The following IKZF2 variants were observed in gnomAD, a reference collection of about 807,000 sequenced individuals.
IKZF2 encodes zinc finger protein Helios.
Under a neutral mutation model 49.2 loss-of-function variants are expected in IKZF2, and 15 were observed. That is an observed-to-expected ratio of 0.30 (90% CI 0.20 to 0.47). The LOEUF is 0.47. Among genes scored for constraint, IKZF2 ranks in the 20% least tolerant of loss-of-function variants. The pLI is 1.00. For synonymous variants in IKZF2, 227 were observed against 221.4 expected (o/e 1.03, Z -0.23); for missense variants, 567 against 664.6 (o/e 0.85, Z 1.61).
intron 4 of IKZF2, among the ~76,000 whole-genome samples, chr2:213,121,143 TAAA>T (rs2060043724): frequency 6.6e-6 from 1 of 152,252 alleles, no homozygotes; most frequent in African/African-American, 2.4e-5. Flanking sequence ...CATAAAGTAC[TAAA>T]TAGATACTTG....
chr2:213,064,541 A>G (rs1701998229), intron 4 of IKZF2, among the ~76,000 whole-genome samples: 2 of 152,046 alleles, frequency 1.3e-5, no homozygotes, highest in African/African-American at 4.8e-5. Context: ...CTAACACAGT[A>G]GCACCATTGT....
chr2:213,006,980 ACT>A lies in IKZF2; in HGVS notation c.*378_*379del, dbSNP rs753843690. On this transcript the variant is annotated 3_prime_UTR_variant, in exon 9 of 9. Coordinates refer to ENST00000434687, the MANE Select transcript of IKZF2 (RefSeq NM_001387220.1). ...AAACCACCAAAGTCCTACCCAGAAA[ACT>A]CTGAACTTTCCTGTCTTCCATCATA... 4.2e-5 allele frequency: 7 copies of A among 166,994 alleles called. No homozygotes were observed. The highest frequency in any genetic ancestry group is 9.0e-5 in the Non-Finnish European group (7 of 77,658). The allele number at this position is 166,994 out of a possible 1,614,324, so 10.3% of individuals were successfully genotyped here.
At chr2:213,033,750 A>T (rs1586067) in intron 6 of IKZF2, among the ~76,000 whole-genome samples, 126,565 of 152,174 alleles carry the variant, frequency 0.83, 53,616 homozygotes, top group Non-Finnish European at 0.92. Context: ...CAGAGTAGAT[A>T]TAGCATAATT....
At chr2:213,119,978 G>A (rs1200606417) in intron 4 of IKZF2, among the ~76,000 whole-genome samples, 1 of 152,200 alleles carries the variant, frequency 6.6e-6, no homozygotes, top group Non-Finnish European at 1.5e-5. Context: ...TGTTATGTGA[G>A]CCCAGGTCTC....
chr2:213,083,967 C>A (rs567989711), intron 4 of IKZF2, among the ~76,000 whole-genome samples: 4 of 151,976 alleles, frequency 2.6e-5, no homozygotes, highest in East Asian at 1.9e-4. Flanking sequence ...CGAAACCATC[C>A]CCCACTAACC....
At chr2:213,127,826 C>T (rs899263528) in intron 4 of IKZF2, among the ~76,000 whole-genome samples, 1 of 152,096 alleles carries the variant, frequency 6.6e-6, no homozygotes, top group Admixed American at 6.6e-5. Flanking sequence ...ACCCAATTAA[C>T]TAACTTAAGA....
At chr2:213,139,949 G>A (rs369673269) in intron 4 of IKZF2, among the ~76,000 whole-genome samples, 1 of 151,964 alleles carries the variant, frequency 6.6e-6, no homozygotes, top group African/African-American at 2.4e-5. Context: ...GCAGTATTAC[G>A]ATCTCACACA....
chr2:213,139,774 C>G (rs945571943), intron 4 of IKZF2, among the ~76,000 whole-genome samples: 5 of 151,934 alleles, frequency 3.3e-5, no homozygotes, highest in African/African-American at 1.2e-4. Context: ...CTCTGAGAAC[C>G]TATCTAAGTG....
At chr2:213,071,678 C>T (rs974304628) in intron 4 of IKZF2, among the ~76,000 whole-genome samples, 1 of 152,070 alleles carries the variant, frequency 6.6e-6, no homozygotes, top group South Asian at 2.1e-4. Flanking sequence ...AGAAGAAAGG[C>T]TCACAGCAAT....
intron 4 of IKZF2, among the ~76,000 whole-genome samples, chr2:213,077,466 TAGTA>T (rs1268515160): frequency 2.6e-5 from 4 of 151,860 alleles, no homozygotes; most frequent in Admixed American, 6.6e-5. Context: ...TGAATGAAAA[TAGTA>T]AGTAAGTATG....
intron 4 of IKZF2, among the ~76,000 whole-genome samples, chr2:213,083,840 C>G (rs561688020): frequency 6.6e-6 from 1 of 151,456 alleles, no homozygotes; most frequent in African/African-American, 2.4e-5. Flanking sequence ...TGCAGGAAAA[C>G]AAGCTTAGGA....
intron 4 of IKZF2, among the ~76,000 whole-genome samples, chr2:213,062,993 AT>A (rs1335886486): frequency 6.6e-6 from 1 of 152,078 alleles, no homozygotes; most frequent in Non-Finnish European, 1.5e-5. Flanking sequence ...ACAAAGGTAT[AT>A]GCAATCATTT....
At chr2:213,150,631 CAA>C (rs2061252040) in intron 1 of IKZF2, among the ~76,000 whole-genome samples, 2 of 134,840 alleles carry the variant, frequency 1.5e-5, no homozygotes, top group East Asian at 4.4e-4. Flanking sequence ...ATGCGATTAA[CAA>C]GAGAAAAAAC....
chr2:213,071,199 A>G (rs1483178277), intron 4 of IKZF2, among the ~76,000 whole-genome samples: 1 of 152,158 alleles, frequency 6.6e-6, no homozygotes, highest in African/African-American at 2.4e-5. Flanking sequence ...GGGAATTCAA[A>G]GTCTTTTTCC....
chr2:213,116,506 G>A (rs180937087), intron 4 of IKZF2, among the ~76,000 whole-genome samples: 17 of 152,292 alleles, frequency 1.1e-4, no homozygotes, highest in Admixed American at 6.5e-4. Context: ...AGGCCAAGGC[G>A]GGTGGATTGC....
chr2:213,113,509 T>C (rs2059779165), intron 4 of IKZF2, among the ~76,000 whole-genome samples: 1 of 152,196 alleles, frequency 6.6e-6, no homozygotes, highest in African/African-American at 2.4e-5. Context: ...GATTTATCCA[T>C]TGTACAAAAC....
At chr2:213,041,147 T>C (rs1417608693) in intron 6 of IKZF2, among the ~76,000 whole-genome samples, 1 of 151,934 alleles carries the variant, frequency 6.6e-6, no homozygotes, top group Non-Finnish European at 1.5e-5. Context: ...TTAAATACTA[T>C]GTTAAAAGTT....
chr2:213,123,729 C>T (rs1206780704), intron 4 of IKZF2, among the ~76,000 whole-genome samples: 1 of 152,062 alleles, frequency 6.6e-6, no homozygotes, highest in Non-Finnish European at 1.5e-5. Context: ...ACATGCTTTA[C>T]TTGCAGCTGT....
At chr2:213,078,423 T>G (rs544993222) in intron 4 of IKZF2, among the ~76,000 whole-genome samples, 1 of 152,362 alleles carries the variant, frequency 6.6e-6, no homozygotes, top group South Asian at 2.1e-4. Flanking sequence ...ATAATGTAAC[T>G]CATACTTAAA....
Sources: allele counts gnomAD v4.1 joint callset (sites outside exome capture counted in the v4.1 genomes callset), GRCh38; gene constraint gnomAD v4.1.1; transcripts MANE v1.5; gene names NCBI Gene and HGNC (gene_info 2026-07-23, HGNC 2026-07-21).